Variants in DLGAP4 observed in about 807,000 individuals in gnomAD.
DLGAP4 encodes the protein disks large-associated protein 4.
Under a neutral mutation model 86.9 loss-of-function variants are expected in DLGAP4, and 18 were observed. The observed-to-expected ratio is 0.21, with a 90% CI of 0.14 to 0.31. DLGAP4 has a LOEUF of 0.31. DLGAP4 is among the 10% of genes least tolerant of loss of function. The pLI, the probability that DLGAP4 is intolerant of heterozygous loss-of-function variation, is 1.00. For missense variants in DLGAP4, 1,085 were observed against 1,362.6 expected (o/e 0.80, Z 3.21); for synonymous variants, 548 against 574.3 (o/e 0.95, Z 0.65).
At chr20:36,333,263 A>C (rs1406165786) in intron 1 of DLGAP4, among the ~76,000 whole-genome samples, 1 of 152,194 alleles carries the variant, frequency 6.6e-6, no homozygotes, top group East Asian at 1.9e-4. Flanking sequence ...ATGCACCATG[A>C]AAATGCAGCT....
Position 36,350,008 on chromosome 20 carries a change from C to A in DLGAP4, c.-303-17037C>A, listed in dbSNP as rs1266356996. ...CAGGCACAGCTGTGCTGATGCCGGCCCCTCATCCCCACAGGCTCCCAAGCA... is the reference window on the plus strand; with the variant it reads ...CAGGCACAGCTGTGCTGATGCCGGCACCTCATCCCCACAGGCTCCCAAGCA... On this transcript the variant is annotated intron_variant, in intron 1 of 12. Coordinates refer to ENST00000339266, the MANE Select transcript of DLGAP4 (RefSeq NM_001365621.2). The surrounding 1 kb of genome is among the most constrained non-coding windows in gnomAD (Gnocchi z 4.4). Among the ~76,000 whole-genome samples, 1 of 152,146 alleles carries A rather than the reference C, an allele frequency of 6.6e-6. No individual in the cohort carries two copies. The highest frequency in any genetic ancestry group is 1.5e-5 in the Non-Finnish European group (1 of 68,024).
At chr20:36,333,798 T>C (rs1262324519) in intron 1 of DLGAP4, among the ~76,000 whole-genome samples, 1 of 150,814 alleles carries the variant, frequency 6.6e-6, no homozygotes, top group African/African-American at 2.4e-5. Flanking sequence ...TTCGGGCTGT[T>C]ACTGAGGATG....
intron 2 of DLGAP4, among the ~76,000 whole-genome samples, chr20:36,411,500 A>G (rs539960894): frequency 6.6e-6 from 1 of 152,316 alleles, no homozygotes; most frequent in Non-Finnish European, 1.5e-5. Flanking sequence ...CCTCATGGAC[A>G]GCCTTTTGGG....
intron 2 of DLGAP4, among the ~76,000 whole-genome samples, chr20:36,373,914 G>A (rs2031043473): frequency 6.6e-6 from 1 of 151,444 alleles, no homozygotes; most frequent in Non-Finnish European, 1.5e-5. Context: ...GCCAGCGCCT[G>A]TAATCCCAGC....
At chr20:36,413,519 C>T (rs1425079748) in intron 2 of DLGAP4, among the ~76,000 whole-genome samples, 2 of 145,138 alleles carry the variant, frequency 1.4e-5, no homozygotes, top group East Asian at 2.1e-4. Flanking sequence ...CTGGGTCAAG[C>T]GATTCTTCTG....
chr20:36,359,382 C>T (rs1341817082), intron 1 of DLGAP4, among the ~76,000 whole-genome samples: 5 of 152,202 alleles, frequency 3.3e-5, no homozygotes, highest in Non-Finnish European at 2.9e-5. Flanking sequence ...TGGGAGAGTG[C>T]AGATTAGAGC....
chr20:36,348,976 G>A (rs6028402), intron 1 of DLGAP4, among the ~76,000 whole-genome samples: 4 of 151,300 alleles, frequency 2.6e-5, no homozygotes, highest in Non-Finnish European at 4.4e-5. Context: ...GGTGGTGTGC[G>A]CCTGTAATCC....
rs57814145 is a variant in DLGAP4 at position 36,380,593 on chromosome 20, AAGAGAGAGAGAGAGAG to A, written c.-73+13374_-73+13389del. Among the ~76,000 whole-genome samples the A allele has an allele frequency of 4.8e-3, 466 of 97,158 alleles. 8 individuals carry two copies. The highest frequency in any genetic ancestry group is 0.023 in the East Asian group (64 of 2,840). 63.7% of individuals were successfully genotyped at this position (97,158 alleles called of 152,430 possible). A position where few individuals can be genotyped will look rare whatever the true frequency, so the allele number is the denominator to read the frequency against. The stretch of plus-strand genomic sequence containing the variant: ...AGAGAGCAAGACCCTGTCTGCATTA[AAGAGAGAGAGAGAGAG>A]AGAGAGAGAGAGAGAGAGAGAGAGA... On this transcript the variant is annotated intron_variant, in intron 2 of 12. Coordinates refer to ENST00000339266, the MANE Select transcript of DLGAP4 (RefSeq NM_001365621.2).
chr20:36,451,413 C>T (rs574582095), intron 7 of DLGAP4, among the ~76,000 whole-genome samples: 21 of 151,084 alleles, frequency 1.4e-4, no homozygotes, highest in South Asian at 1.1e-3. Flanking sequence ...TGCAGTGGCG[C>T]GATCTCAGCT....
Position 36,476,628 on chromosome 20 carries a change from C to T in DLGAP4, c.1649-20077C>T, listed in dbSNP as rs191444023. Among the ~76,000 whole-genome samples the T allele has an allele frequency of 8.1e-4, 121 of 149,540 alleles. 3 individuals carry two copies. The highest frequency in any genetic ancestry group is 8.1e-3 in the Admixed American group (121 of 14,970). On this transcript the variant is annotated intron_variant, in intron 7 of 12. Coordinates refer to ENST00000339266, the MANE Select transcript of DLGAP4 (RefSeq NM_001365621.2). Reference sequence around the variant, plus strand: ...ACAGGCGTGAGCCACCGCACCTGGCCAGCAACCACCATTCTTTCTATGAAT... The same window carrying T: ...ACAGGCGTGAGCCACCGCACCTGGCTAGCAACCACCATTCTTTCTATGAAT...
At chr20:36,455,769 C>T (rs1426136562) in intron 7 of DLGAP4, among the ~76,000 whole-genome samples, 1 of 152,102 alleles carries the variant, frequency 6.6e-6, no homozygotes, top group Non-Finnish European at 1.5e-5. Context: ...CCCTCCTACC[C>T]CTAACCTCCC....
intron 1 of DLGAP4, among the ~76,000 whole-genome samples, chr20:36,365,844 T>TA (rs1190081942): frequency 2.6e-5 from 4 of 152,142 alleles, no homozygotes; most frequent in Non-Finnish European, 5.9e-5. Context: ...CAGAGCCCCC[T>TA]AGACCTGGAC....
At chr20:36,359,189 G>A (rs1443559750) in intron 1 of DLGAP4, among the ~76,000 whole-genome samples, 5 of 151,998 alleles carry the variant, frequency 3.3e-5, no homozygotes, top group Non-Finnish European at 7.4e-5. Flanking sequence ...GCACGATCTC[G>A]GCTCACTGTA....
intron 11 of DLGAP4, among the ~76,000 whole-genome samples, chr20:36,524,974 T>A (rs2037618416): frequency 1.3e-5 from 2 of 150,906 alleles, no homozygotes; most frequent in Admixed American, 6.6e-5. Context: ...ATCCCAGCAC[T>A]TTGGGAGGCC....
At chr20:36,482,654 C>T (rs999881983) in intron 7 of DLGAP4, among the ~76,000 whole-genome samples, 1 of 151,822 alleles carries the variant, frequency 6.6e-6, no homozygotes, top group Non-Finnish European at 1.5e-5. Context: ...ACCTGCTTCT[C>T]GTGGGTTGTT....
chr20:36,310,952 A>G (rs1472181335), intron 1 of DLGAP4, among the ~76,000 whole-genome samples: 1 of 152,156 alleles, frequency 6.6e-6, no homozygotes, highest in African/African-American at 2.4e-5. Flanking sequence ...TGTGACTCAC[A>G]TGACTAGATT....
intron 2 of DLGAP4, among the ~76,000 whole-genome samples, chr20:36,380,691 G>C (rs1254946063): frequency 6.8e-6 from 1 of 147,560 alleles, no homozygotes; most frequent in Non-Finnish European, 1.5e-5. Flanking sequence ...GGCAAGCCAG[G>C]GCCAGTGCAG....
chr20:36,416,687 G>A (rs2032664167), intron 2 of DLGAP4, among the ~76,000 whole-genome samples: 1 of 152,210 alleles, frequency 6.6e-6, no homozygotes, highest in Non-Finnish European at 1.5e-5. Flanking sequence ...TTGGAGCAGG[G>A]TGTGTCTTCT....
intron 2 of DLGAP4, among the ~76,000 whole-genome samples, chr20:36,389,980 A>G (rs986646152): frequency 1.3e-5 from 2 of 152,194 alleles, no homozygotes; most frequent in Admixed American, 6.5e-5. Context: ...AAACCAAAGC[A>G]TGGGTGGTGG....
Sources: allele counts gnomAD v4.1 joint callset (sites outside exome capture counted in the v4.1 genomes callset), GRCh38; gene constraint gnomAD v4.1.1; non-coding constraint Gnocchi (gnomAD v3.1); transcripts MANE v1.5; gene names NCBI Gene and HGNC (gene_info 2026-07-23, HGNC 2026-07-21).